The following SNX29 variants were observed in gnomAD, a reference collection of about 807,000 sequenced individuals.
The protein encoded by SNX29 is sorting nexin 29.
Under a neutral mutation model 102.1 loss-of-function variants are expected in SNX29, and 78 were observed. That is an observed-to-expected ratio of 0.76 (90% CI 0.64 to 0.92). The LOEUF (loss-of-function observed/expected upper bound fraction) is 0.92. SNX29 is among the 40% of genes least tolerant of loss of function. The pLI, the probability that SNX29 is intolerant of heterozygous loss-of-function variation, is 0.00. For missense variants in SNX29, 1,280 were observed against 1,061.7 expected (o/e 1.21, Z -2.86); for synonymous variants, 580 against 414.5 (o/e 1.40, Z -4.85).
intron 4 of SNX29, chr16:12,029,833 C>G: frequency 2.9e-6 from 1 of 342,518 alleles, no homozygotes; most frequent in Non-Finnish European, 5.7e-6. Context: ...TTCAGGTAAT[C>G]TGCCCGCCTC....
At chr16:12,023,407 CAAAA>C (rs565812913) in intron 3 of SNX29, among the ~76,000 whole-genome samples, 4 of 94,562 alleles carry the variant, frequency 4.2e-5, no homozygotes, top group African/African-American at 1.6e-4. Context: ...GACTCTGTCT[CAAAA>C]AAAAAAAAAA....
intron 16 of SNX29, among the ~76,000 whole-genome samples, chr16:12,381,000 CCA>C (rs2083099656): frequency 8.4e-6 from 1 of 118,382 alleles, no homozygotes; most frequent in Admixed American, 8.2e-5. Flanking sequence ...CACCCACCCA[CCA>C]TCCATCCACC....
At chr16:12,556,684 T>G (rs750737331) in intron 20 of SNX29, 2 of 152,180 alleles carry the variant, frequency 1.3e-5, no homozygotes, top group African/African-American at 4.8e-5. Flanking sequence ...TAGTCATGTG[T>G]CTGGAGGCAG....
At chr16:12,354,287 T>C (rs2082070966) in intron 15 of SNX29, among the ~76,000 whole-genome samples, 1 of 152,196 alleles carries the variant, frequency 6.6e-6, no homozygotes, top group African/African-American at 2.4e-5. Flanking sequence ...GTTTTAATGG[T>C]TGCTGGAAAT....
chr16:12,566,550 T>A (rs537766501), intron 20 of SNX29, among the ~76,000 whole-genome samples: 1 of 152,340 alleles, frequency 6.6e-6, no homozygotes, highest in Non-Finnish European at 1.5e-5. Context: ...GAGGGGGTTG[T>A]GAGGGCATGG....
At chr16:12,130,143 A>C (rs117515106) in intron 13 of SNX29, among the ~76,000 whole-genome samples, 2,581 of 150,640 alleles carry the variant, frequency 0.017, 41 homozygotes, top group Non-Finnish European at 0.025. Flanking sequence ...ACAACAACAA[A>C]AAAAAACCTG....
At chr16:12,526,910 G>T in intron 20 of SNX29, 1 of 391,358 alleles carries the variant, frequency 2.6e-6, no homozygotes, top group Non-Finnish European at 4.8e-6. Flanking sequence ...CATGCTGGTT[G>T]CCATCAGTCA....
intron 20 of SNX29, chr16:12,557,413 T>A (rs1038133446): frequency 6.6e-6 from 1 of 152,214 alleles, no homozygotes; most frequent in African/African-American, 2.4e-5. Context: ...CTTTTGAGAC[T>A]GAGTTTGGCA....
intron 16 of SNX29, among the ~76,000 whole-genome samples, chr16:12,379,224 C>A (rs972917286): frequency 2.6e-5 from 4 of 152,152 alleles, no homozygotes; most frequent in African/African-American, 9.7e-5. Flanking sequence ...GCAGCCTCAC[C>A]CTCCTGGGGT....
chr16:11,999,721 G>C (rs1162053206), intron 2 of SNX29, among the ~76,000 whole-genome samples: 1 of 152,102 alleles, frequency 6.6e-6, no homozygotes, highest in Non-Finnish European at 1.5e-5. Context: ...GGCCAACATG[G>C]TGAAACCCTG....
intron 15 of SNX29, among the ~76,000 whole-genome samples, chr16:12,329,549 G>A (rs2081233486): frequency 6.6e-6 from 1 of 152,126 alleles, no homozygotes; most frequent in South Asian, 2.1e-4. Flanking sequence ...CCTCTTAATG[G>A]TTTTTATGAT....
intron 19 of SNX29, among the ~76,000 whole-genome samples, chr16:12,498,769 A>G (rs191147980): frequency 6.6e-6 from 1 of 152,334 alleles, no homozygotes; most frequent in Non-Finnish European, 1.5e-5. Context: ...TAAACCAAAC[A>G]GCATAGAATT....
At chr16:12,243,255 A>C (rs1320733969) in intron 14 of SNX29, among the ~76,000 whole-genome samples, 3 of 152,212 alleles carry the variant, frequency 2.0e-5, no homozygotes, top group Non-Finnish European at 4.4e-5. Context: ...TATGCCAGAT[A>C]CTGGGTTAGG....
intron 13 of SNX29, among the ~76,000 whole-genome samples, chr16:12,151,766 C>A (rs1461511136): frequency 6.6e-6 from 1 of 152,164 alleles, no homozygotes; most frequent in Non-Finnish European, 1.5e-5. Flanking sequence ...GACAGAGCCT[C>A]ACTCTGACAC....
Position 12,426,562 on chromosome 16 carries a change from A to G in SNX29, c.2037+23033A>G, listed in dbSNP as rs957775012. 1.2e-4 allele frequency among the ~76,000 whole-genome samples: 19 copies of G among 152,354 alleles called. 1 individual carries two copies. In the East Asian group the frequency reaches 3.7e-3, roughly 29 times the overall value. On this transcript the variant is annotated intron_variant, in intron 18 of 20. Coordinates refer to ENST00000566228, the MANE Select transcript of SNX29 (RefSeq NM_032167.5). ...CTCACTATAGAAAACCCCAGGAAGG[A>G]TAGATATGTGTTACGTAGCCAATAA...
At chr16:12,548,851 T>C (rs3848240) in intron 20 of SNX29, among the ~76,000 whole-genome samples, 41,035 of 152,118 alleles carry the variant, frequency 0.27, 6,633 homozygotes, top group East Asian at 0.53. Flanking sequence ...TCAGTTCCTC[T>C]GCTCTGCAGC....
At chr16:12,330,426 C>A (rs978335396) in intron 15 of SNX29, among the ~76,000 whole-genome samples, 1 of 152,158 alleles carries the variant, frequency 6.6e-6, no homozygotes, top group African/African-American at 2.4e-5. Flanking sequence ...GAGATCACAC[C>A]ACGGCACTCC....
chr16:12,027,937 C>T (rs1436661857), intron 4 of SNX29, among the ~76,000 whole-genome samples: 2 of 152,190 alleles, frequency 1.3e-5, no homozygotes, highest in African/African-American at 2.4e-5. Flanking sequence ...GCAAGACTTG[C>T]ACTTTGATGT....
chr16:12,481,541 CACACACACACACA>C (rs748363529), intron 19 of SNX29, among the ~76,000 whole-genome samples: 47 of 151,160 alleles, frequency 3.1e-4, no homozygotes, highest in Middle Eastern at 3.4e-3. Flanking sequence ...CACACACACA[CACACACACACACA>C]CCCCAAATGT....
Sources: gnomAD v4.1 joint callset for allele counts (sites outside exome capture counted in the v4.1 genomes callset) on GRCh38, gnomAD v4.1.1 for gene constraint, MANE v1.5 for transcripts, NCBI Gene and HGNC (gene_info 2026-07-23, HGNC 2026-07-21) for gene names.